Variants in NKAIN3 observed in about 807,000 individuals in gnomAD.
The protein encoded by NKAIN3 is sodium/potassium-transporting ATPase subunit beta-1-interacting protein 3.
A neutral mutation model predicts 30.2 loss-of-function variants in NKAIN3; 25 were observed. The observed-to-expected ratio is 0.83, with a 90% CI of 0.60 to 1.16. The LOEUF (loss-of-function observed/expected upper bound fraction) is 1.16. Ranked by LOEUF, NKAIN3 falls within the 50% of genes most tolerant of loss-of-function variation. NKAIN3 has a pLI of 0.00. For synonymous variants in NKAIN3, 91 were observed against 89.6 expected, an observed-to-expected ratio of 1.02 and a Z score of -0.09; for missense variants, 225 against 254.1, an observed-to-expected ratio of 0.89 and a Z score of 0.78.
intron 1 of NKAIN3, among the ~76,000 whole-genome samples, chr8:62,297,641 T>C (rs1010802120): frequency 2.6e-5 from 4 of 151,840 alleles, no homozygotes; most frequent in African/African-American, 9.7e-5. Context: ...TCACACCAGT[T>C]AGAATGGCAA....
At chr8:62,835,160 A>G (rs1819320728) in intron 4 of NKAIN3, among the ~76,000 whole-genome samples, 1 of 149,722 alleles carries the variant, frequency 6.7e-6, no homozygotes, top group Non-Finnish European at 1.5e-5. Flanking sequence ...CCTTTCACAT[A>G]TACAATACTG....
chr8:62,889,899 T>C (rs1821252884), intron 4 of NKAIN3, among the ~76,000 whole-genome samples: 1 of 152,178 alleles, frequency 6.6e-6, no homozygotes, highest in Non-Finnish European at 1.5e-5. Context: ...TTAATATTTC[T>C]GGTTCCATGT....
intron 4 of NKAIN3, among the ~76,000 whole-genome samples, chr8:62,871,656 G>A (rs549504733): frequency 2.6e-5 from 4 of 152,230 alleles, no homozygotes; most frequent in Non-Finnish European, 5.9e-5. Context: ...CAAGCCCAAG[G>A]AAGAATGTGG....
chr8:62,652,273 G>A (rs1009376942), intron 3 of NKAIN3, among the ~76,000 whole-genome samples: 2 of 152,080 alleles, frequency 1.3e-5, no homozygotes, highest in Non-Finnish European at 2.9e-5. Flanking sequence ...GATCCACAAT[G>A]TCATTCAACA....
At chr8:62,442,314 A>G (rs945198420) in intron 1 of NKAIN3, among the ~76,000 whole-genome samples, 1 of 151,990 alleles carries the variant, frequency 6.6e-6, no homozygotes, top group African/African-American at 2.4e-5. Flanking sequence ...TAATATTACT[A>G]GTTTTGGCAT....
At chr8:62,737,998 T>C (rs1815732142) in intron 3 of NKAIN3, among the ~76,000 whole-genome samples, 1 of 152,152 alleles carries the variant, frequency 6.6e-6, no homozygotes, top group African/African-American at 2.4e-5. Flanking sequence ...GTCTTTAGAG[T>C]AGAATGATTT....
intron 4 of NKAIN3, among the ~76,000 whole-genome samples, chr8:62,758,904 T>C (rs1046346418): frequency 6.6e-6 from 1 of 152,202 alleles, no homozygotes; most frequent in African/African-American, 2.4e-5. Flanking sequence ...GAGAACATGG[T>C]TTATTTCATA....
At chr8:62,345,996 C>T (rs1464938437) in intron 1 of NKAIN3, among the ~76,000 whole-genome samples, 3 of 152,060 alleles carry the variant, frequency 2.0e-5, no homozygotes, top group African/African-American at 7.2e-5. Context: ...TATAACCTCA[C>T]TCTTGTGTGG....
chr8:62,326,066 ATT>A (rs1205741379), intron 1 of NKAIN3, among the ~76,000 whole-genome samples: 20 of 151,862 alleles, frequency 1.3e-4, no homozygotes, highest in Admixed American at 5.3e-4. Flanking sequence ...TTTATTATTA[ATT>A]TTGCTATATT....
At chr8:62,668,509 G>A (rs1042732858) in intron 3 of NKAIN3, among the ~76,000 whole-genome samples, 1 of 152,134 alleles carries the variant, frequency 6.6e-6, no homozygotes, top group Non-Finnish European at 1.5e-5. Context: ...TTTCTGCCCA[G>A]AGTTCTTTCC....
chr8:62,775,355 AATTTTC>A (rs1185117644), intron 4 of NKAIN3, among the ~76,000 whole-genome samples: 1 of 151,856 alleles, frequency 6.6e-6, no homozygotes, highest in African/African-American at 2.4e-5. Flanking sequence ...CAAAAAACAA[AATTTTC>A]ATTTTGTTGA....
intron 1 of NKAIN3, among the ~76,000 whole-genome samples, chr8:62,313,351 CT>C (rs1011284123): frequency 1.3e-5 from 2 of 151,740 alleles, no homozygotes; most frequent in Admixed American, 6.6e-5. Flanking sequence ...AAAGTTGTGT[CT>C]TTGAAATACT....
At chr8:62,921,471 C>T (rs1822273501) in intron 5 of NKAIN3, among the ~76,000 whole-genome samples, 1 of 152,138 alleles carries the variant, frequency 6.6e-6, no homozygotes. Context: ...ACAGATATTT[C>T]CGAAGGGTAA....
intron 4 of NKAIN3, among the ~76,000 whole-genome samples, chr8:62,805,627 C>G (rs1006144930): frequency 9.2e-5 from 14 of 152,154 alleles, no homozygotes; most frequent in Admixed American, 1.3e-4. Context: ...GGATCCCTTC[C>G]TTACACCTTA....
intron 1 of NKAIN3, chr8:62,482,832 A>G (rs1471070558): frequency 2.6e-5 from 4 of 152,018 alleles, no homozygotes; most frequent in Non-Finnish European, 5.9e-5. Context: ...CAGGAATTTT[A>G]CTCCAGAGCT....
chr8:62,304,491 C>T lies in NKAIN3; in HGVS notation c.54+55364C>T, dbSNP rs915008201. ...GGGGGAATAATGTGATATTTCGATA[C>T]ATGAAACAATGTGTAAATGGTCAAA... On this transcript the variant is annotated intron_variant, in intron 1 of 6. Coordinates refer to ENST00000623646, the MANE Select transcript of NKAIN3 (RefSeq NM_001304533.3). Among the ~76,000 whole-genome samples the T allele has an allele frequency of 8.6e-5, 13 of 150,326 alleles. 1 individual carries two copies. Among genetic ancestry groups the T allele is most frequent in the African/African-American group, 3.3e-4 (13 of 39,808 alleles).
intron 3 of NKAIN3, among the ~76,000 whole-genome samples, chr8:62,672,062 A>C (rs1011141184): frequency 5.9e-5 from 9 of 152,256 alleles, no homozygotes; most frequent in Admixed American, 2.0e-4. Context: ...CTTCTCTAAA[A>C]CCACATGAAT....
intron 6 of NKAIN3, among the ~76,000 whole-genome samples, chr8:62,957,979 A>T (rs967133924): frequency 2.0e-5 from 3 of 152,130 alleles, no homozygotes; most frequent in Non-Finnish European, 4.4e-5. Context: ...GCATTTGGGA[A>T]ATCTCTGTAC....
intron 1 of NKAIN3, among the ~76,000 whole-genome samples, chr8:62,406,342 T>C (rs747364109): frequency 2.0e-5 from 3 of 152,214 alleles, no homozygotes; most frequent in African/African-American, 4.8e-5. Flanking sequence ...ATGTAAGCTC[T>C]TAAGAGAGAG....
Sources: gnomAD v4.1 joint callset for allele counts (sites outside exome capture counted in the v4.1 genomes callset) on GRCh38, gnomAD v4.1.1 for gene constraint, MANE v1.5 for transcripts, NCBI Gene and HGNC (gene_info 2026-07-23, HGNC 2026-07-21) for gene names.